Variants in DNAJC6 observed in about 807,000 individuals in gnomAD.
DNAJC6 encodes the protein DnaJ heat shock protein family (Hsp40) member C6, also known as auxilin.
DNAJC6 carries 34 observed loss-of-function variants against 110.0 expected under a neutral mutation model. The observed-to-expected ratio is 0.31, with a 90% CI of 0.24 to 0.41. The LOEUF is 0.41. DNAJC6 is among the 10% of genes least tolerant of loss of function. DNAJC6 has a pLI of 1.00. For synonymous variants in DNAJC6, 406 were observed against 437.2 expected, an observed-to-expected ratio of 0.93 and a Z score of 0.89; for missense variants, 1,031 against 1,207.8, an observed-to-expected ratio of 0.85 and a Z score of 2.17.
At position 65,345,714 on chromosome 1, in the gene DNAJC6, T is replaced by C. The variant is rs528254610; in HGVS notation, c.194-18921T>C. ...GAGAGGGTAGGAACCAACCTCCTAC[T>C]ACCCACCAGGTAAGGGTGTACTTTT... On this transcript the variant is annotated intron_variant, in intron 1 of 18. Coordinates refer to ENST00000371069, the MANE Select transcript of DNAJC6 (RefSeq NM_001256864.2). The C allele has an allele frequency of 5.6e-5, 55 of 979,636 alleles. No individual in the cohort carries two copies. The South Asian group carries it at 2.3e-3, about 40-fold the overall frequency. The allele number at this position is 979,636 out of a possible 1,614,324, so 60.7% of individuals were successfully genotyped here. A position where few individuals can be genotyped will look rare whatever the true frequency, so the allele number is the denominator to read the frequency against.
At chr1:65,347,266 A>G (rs769753033) in intron 1 of DNAJC6, among the ~76,000 whole-genome samples, 7 of 152,174 alleles carry the variant, frequency 4.6e-5, no homozygotes, top group Non-Finnish European at 8.8e-5. Context: ...TAACAGTGGT[A>G]CCCTTGTTTA....
intron 1 of DNAJC6, among the ~76,000 whole-genome samples, chr1:65,274,010 T>G (rs1427699050): frequency 6.6e-6 from 1 of 152,202 alleles, no homozygotes; most frequent in Non-Finnish European, 1.5e-5. Context: ...ATCTTCTGTA[T>G]CCTCACTGAT....
chr1:65,399,926 A>T (rs373164466), intron 14 of DNAJC6, among the ~76,000 whole-genome samples: 10 of 152,260 alleles, frequency 6.6e-5, no homozygotes, highest in Admixed American at 3.9e-4. Flanking sequence ...CACGCTTATA[A>T]TCCCAGCACT....
intron 4 of DNAJC6, among the ~76,000 whole-genome samples, chr1:65,375,487 G>A (rs1168933845): frequency 6.7e-6 from 1 of 150,004 alleles, no homozygotes; most frequent in East Asian, 2.0e-4. Context: ...GTGCAGTTGT[G>A]CGATCTCGGC....
intron 4 of DNAJC6, among the ~76,000 whole-genome samples, chr1:65,376,788 G>T (rs914996415): frequency 2.0e-5 from 3 of 151,274 alleles, no homozygotes; most frequent in Admixed American, 1.3e-4. Flanking sequence ...TTATTTTTTT[G>T]AGACGAAGTC....
At chr1:65,336,929 TAA>T (rs756020129) in intron 1 of DNAJC6, among the ~76,000 whole-genome samples, 91 of 152,298 alleles carry the variant, frequency 6.0e-4, no homozygotes, top group Non-Finnish European at 1.0e-3. Context: ...AGGATCCAAA[TAA>T]TGTTTATGCA....
At position 65,378,151 on chromosome 1, in the gene DNAJC6, C is replaced by T. The variant is rs1195355801; in HGVS notation, c.544-1251C>T. ...CTACTCAGCTAGCCTTAGCCACTATCATCCCTTATTGACACTCCTCACCAA... is the reference window on the plus strand; with the variant it reads ...CTACTCAGCTAGCCTTAGCCACTATTATCCCTTATTGACACTCCTCACCAA... On this transcript the variant is annotated intron_variant, in intron 4 of 18. Coordinates refer to ENST00000371069, the MANE Select transcript of DNAJC6 (RefSeq NM_001256864.2). Among the ~76,000 whole-genome samples the T allele has an allele frequency of 2.0e-5, 3 of 152,220 alleles. No individual in the cohort carries two copies. In the East Asian group the frequency reaches 5.8e-4, roughly 29 times the overall value.
chr1:65,309,655 T>G lies in DNAJC6; in HGVS notation c.-91T>G. 6.9e-7 allele frequency: 1 copy of G among 1,448,636 alleles called. No individual in the cohort carries two copies. The allele number at this position is 1,448,636 out of a possible 1,614,324, so 89.7% of individuals were successfully genotyped here. ...GTCATGTCGGGCACTTAATTTTTTT[T>G]TTTTTTTAATTCCTTCTTCAGCCCT... On this transcript the variant is annotated 5_prime_UTR_variant, in exon 1 of 19. Transcript: ENST00000371069.
At chr1:65,392,955 G>A in intron 12 of DNAJC6, 90 bp downstream of exon 12, 1 of 1,238,486 alleles carries the variant, frequency 8.1e-7, no homozygotes, top group Non-Finnish European at 1.1e-6. Flanking sequence ...TAATAAGCTA[G>A]ACTTTTCTGA....
chr1:65,357,949 C>T (rs1645559853), intron 1 of DNAJC6, among the ~76,000 whole-genome samples: 2 of 152,100 alleles, frequency 1.3e-5, no homozygotes, highest in Admixed American at 6.5e-5. Context: ...GAGGCCGAGG[C>T]TGGCGGATCA....
intron 1 of DNAJC6, among the ~76,000 whole-genome samples, chr1:65,353,401 C>T (rs1645510816): frequency 6.6e-6 from 1 of 152,128 alleles, no homozygotes; most frequent in African/African-American, 2.4e-5. Flanking sequence ...TAAGTACTTA[C>T]TTTGTCTGTT....
intron 1 of DNAJC6, among the ~76,000 whole-genome samples, chr1:65,321,757 G>A: frequency 6.6e-6 from 1 of 152,178 alleles, no homozygotes; most frequent in East Asian, 1.9e-4. Context: ...CTTATACACA[G>A]TGAAACTAGC....
upstream of DNAJC6, among the ~76,000 whole-genome samples, chr1:65,308,865 T>G (rs1253401722): frequency 6.6e-6 from 1 of 152,224 alleles, no homozygotes; most frequent in East Asian, 1.9e-4. Context: ...CAGTCACATC[T>G]GCTCTCTAGG....
chr1:65,333,804 C>T (rs560461883), intron 1 of DNAJC6, among the ~76,000 whole-genome samples: 1 of 152,216 alleles, frequency 6.6e-6, no homozygotes, highest in Admixed American at 6.5e-5. Flanking sequence ...AAGCTTCAGT[C>T]TTTAATATTG....
intron 2 of DNAJC6, among the ~76,000 whole-genome samples, chr1:65,365,394 AT>A (rs1645636417): frequency 6.6e-6 from 1 of 152,204 alleles, no homozygotes; most frequent in Non-Finnish European, 1.5e-5. Context: ...TTAATCAGAA[AT>A]TCAAACGTCA....
intron 1 of DNAJC6, among the ~76,000 whole-genome samples, chr1:65,317,573 C>T (rs965894677): frequency 2.6e-5 from 4 of 152,230 alleles, no homozygotes; most frequent in African/African-American, 9.6e-5. Context: ...CAAATGTCAC[C>T]ACCAAGGAAG....
chr1:65,397,699 C>T (rs550296905), intron 13 of DNAJC6, among the ~76,000 whole-genome samples: 5 of 152,158 alleles, frequency 3.3e-5, no homozygotes, highest in South Asian at 2.1e-4. Context: ...TCAGATAGAA[C>T]GTACTAGCAA....
intron 17 of DNAJC6, among the ~76,000 whole-genome samples, chr1:65,409,225 G>T (rs147992914): frequency 2.6e-5 from 4 of 152,198 alleles, no homozygotes; most frequent in Non-Finnish European, 5.9e-5. Flanking sequence ...ATTTTGGGGG[G>T]ACACATACAT....
chr1:65,308,797 G>A (rs957690139), upstream of DNAJC6, among the ~76,000 whole-genome samples: 3 of 152,168 alleles, frequency 2.0e-5, no homozygotes, highest in African/African-American at 7.2e-5. Context: ...ATCTGAAAAT[G>A]CGTCGGACTT....
Sources: allele counts gnomAD v4.1 joint callset (sites outside exome capture counted in the v4.1 genomes callset), GRCh38; gene constraint gnomAD v4.1.1; transcripts MANE v1.5; gene names NCBI Gene and HGNC (gene_info 2026-07-23, HGNC 2026-07-21).